MYOM1: variants seen among roughly 807,000 people sequenced by gnomAD.
MYOM1 encodes myomesin 1, also known as myomesin-1.
In MYOM1, 164 loss-of-function variants were observed where a neutral mutation model predicts 205.3. That is an observed-to-expected ratio of 0.80 (90% confidence interval 0.70 to 0.91). The LOEUF is 0.91. MYOM1 is among the 40% of genes least tolerant of loss of function. The pLI, the probability that MYOM1 is intolerant of heterozygous loss-of-function variation, is 0.00. For missense variants in MYOM1, 2,011 were observed against 2,127.3 expected (o/e 0.95, Z 1.08); for synonymous variants, 772 against 789.4 (o/e 0.98, Z 0.37).
intron 25 of MYOM1, among the ~76,000 whole-genome samples, chr18:3,096,982 C>T (rs982013914): frequency 6.6e-6 from 1 of 152,122 alleles, no homozygotes; most frequent in African/African-American, 2.4e-5. Flanking sequence ...GCTCTTTTCT[C>T]TGGCAGTTAA....
chr18:3,136,128 T>TC (rs397716489), intron 14 of MYOM1, among the ~76,000 whole-genome samples: 1 of 151,698 alleles, frequency 6.6e-6, no homozygotes, highest in African/African-American at 2.4e-5. Context: ...TCCTTCTGTC[T>TC]TGCCTGCCAC....
rs1022358106 is a variant in MYOM1 at position 3,179,892 on chromosome 18, G to A, written c.930-3758C>T. ...TGGTTCCTCTTTGCCTAAGAAAAGCGCTGTGATACCAACGGCTGTGACATG... is the reference window on the plus strand; with the variant it reads ...TGGTTCCTCTTTGCCTAAGAAAAGCACTGTGATACCAACGGCTGTGACATG... On this transcript the variant is annotated intron_variant, in intron 5 of 37. Transcript: ENST00000356443. The surrounding 1 kb of genome is among the most constrained non-coding windows in gnomAD (Gnocchi z 4.4). Among the ~76,000 whole-genome samples, 2 of 152,164 alleles carry A rather than the reference G, an allele frequency of 1.3e-5. No homozygotes were observed. The highest frequency in any genetic ancestry group is 4.8e-5 in the African/African-American group (2 of 41,436).
chr18:3,217,510 G>C (rs1457444778), intron 1 of MYOM1, among the ~76,000 whole-genome samples: 1 of 152,208 alleles, frequency 6.6e-6, no homozygotes, highest in South Asian at 2.1e-4. Context: ...TCCCAGAGGA[G>C]ACATTTTAAG....
intron 10 of MYOM1, among the ~76,000 whole-genome samples, chr18:3,155,741 T>C (rs189462407): frequency 9.2e-5 from 14 of 152,212 alleles, no homozygotes; most frequent in Non-Finnish European, 1.9e-4. Flanking sequence ...CTCATGACAT[T>C]GATTGTGCAA....
chr18:3,155,720 G>C (rs1243863099), intron 10 of MYOM1, among the ~76,000 whole-genome samples: 1 of 152,156 alleles, frequency 6.6e-6, no homozygotes, highest in Non-Finnish European at 1.5e-5. Flanking sequence ...AGTTGTGCCA[G>C]AAAGTCTGTT....
At position 3,076,088 on chromosome 18, in the gene MYOM1, C is replaced by T. The variant is rs145476319; in HGVS notation, c.4649-327G>A. ...GTCTGTTTCTTTTCTTTTTTTGAGA[C>T]GGAGTCTTGCTGTGCCCAGGCTGGA... On this transcript the variant is annotated intron_variant, in intron 34 of 37. Coordinates refer to ENST00000356443, the MANE Select transcript of MYOM1 (RefSeq NM_003803.4). Among the ~76,000 whole-genome samples, 31 of 152,194 alleles carry T rather than the reference C, an allele frequency of 2.0e-4. No individual in the cohort carries two copies. The East Asian group carries it at 4.6e-3, about 23-fold the overall frequency.
intron 10 of MYOM1, among the ~76,000 whole-genome samples, chr18:3,160,182 C>G (rs1479386236): frequency 6.7e-6 from 1 of 148,830 alleles, no homozygotes; most frequent in Non-Finnish European, 1.5e-5. Flanking sequence ...TCTTCTCTCT[C>G]TCTTTTTTTT....
rs767527655 is a variant in MYOM1, at chr18:3,152,021, C to T, written c.1644-128G>A. On this transcript the variant is annotated intron_variant, in intron 11 of 37. Coordinates refer to ENST00000356443, the MANE Select transcript of MYOM1 (RefSeq NM_003803.4). This position sits in a 1 kb window ranked among gnomAD's most constrained non-coding sequence, Gnocchi z 4.3. ...TAAAATATCCAAGTCAGGCGTGGCT[C>T]GCTACCTGGTGAACTGCATGCAGGC... 4.5e-5 allele frequency: 41 copies of T among 912,496 alleles called. No homozygotes were observed. Among genetic ancestry groups the T allele is most frequent in the Non-Finnish European group, 5.6e-5 (35 of 623,358 alleles). 56.5% of individuals were successfully genotyped at this position (912,496 alleles called of 1,614,324 possible).
chr18:3,175,526 T>TTGCTTC (rs1206572633), intron 6 of MYOM1, among the ~76,000 whole-genome samples: 1 of 152,186 alleles, frequency 6.6e-6, no homozygotes, highest in African/African-American at 2.4e-5. Context: ...CTGCTTCACA[T>TTGCTTC]ACACAGATTG....
chr18:3,138,231 C>T (rs573205235), intron 14 of MYOM1, among the ~76,000 whole-genome samples: 1 of 152,308 alleles, frequency 6.6e-6, no homozygotes, highest in East Asian at 1.9e-4. Context: ...CCTGATTTCA[C>T]TACAGAATTT....
Position 3,129,300 on chromosome 18 carries a change from G to C in MYOM1, c.2726C>G (p.Pro909Arg), listed in dbSNP as rs752679527. ...VSETVQEELT[P>R]PPQKAAPQGK... ...CTGAGGAGCCGCTTTCTGTGGTGGC[G>C]GGGTAAGCTCTTCCTGAACTGTTTC... Residue 909 changes from proline to arginine, a missense_variant, in exon 18 of 38, where the codon CCG becomes CGG. Physicochemically the swap from Pro to Arg is moderately radical, Grantham distance 103. Coordinates refer to ENST00000356443, the MANE Select transcript of MYOM1 (RefSeq NM_003803.4). 1.2e-6 allele frequency: 2 copies of C among 1,613,822 alleles called. No homozygotes were observed. The highest frequency in any genetic ancestry group is 1.7e-6 in the Non-Finnish European group (2 of 1,179,874).
In MYOM1 at chr18:3,132,118, G is replaced by GTA. The variant is rs1555621173; in HGVS notation, c.2385-624_2385-623dup. Among the ~76,000 whole-genome samples, 1,062 of 143,436 alleles carry GTA rather than the reference G, an allele frequency of 7.4e-3. 8 individuals are homozygous for GTA. The highest frequency in any genetic ancestry group is 0.021 in the African/African-American group (836 of 38,960). The allele number at this position is 143,436 out of a possible 152,430, so 94.1% of individuals were successfully genotyped here. On this transcript the variant is annotated intron_variant, in intron 16 of 37. Coordinates refer to ENST00000356443, the MANE Select transcript of MYOM1 (RefSeq NM_003803.4). ...TAAAATTATTATTATATATGTGTGT[G>GTA]TATATATATATATATATGAGTTATA...
At chr18:3,081,130 CAA>C (rs752878328) in intron 33 of MYOM1, among the ~76,000 whole-genome samples, 24 of 113,906 alleles carry the variant, frequency 2.1e-4, no homozygotes, top group African/African-American at 3.2e-4. Flanking sequence ...GACTCCGTCT[CAA>C]AAAAAAAAAA....
chr18:3,091,960 G>T (rs1300492850), intron 26 of MYOM1, among the ~76,000 whole-genome samples: 1 of 152,056 alleles, frequency 6.6e-6, no homozygotes, highest in East Asian at 1.9e-4. Flanking sequence ...TTGAAGTCCT[G>T]ACCTCAAGTG....
At chr18:3,241,256 C>T in the MYOM1 span, among the ~76,000 whole-genome samples, 1 of 152,176 alleles carries the variant, frequency 6.6e-6, no homozygotes, top group Non-Finnish European at 1.5e-5. Context: ...GGCAGCCCCT[C>T]CCATCACAGG....
intron 21 of MYOM1, among the ~76,000 whole-genome samples, chr18:3,114,544 ATTT>A (rs5822738): frequency 7.9e-5 from 7 of 88,344 alleles, no homozygotes; most frequent in East Asian, 7.0e-4. Context: ...TGGTCAGCTA[ATTT>A]TTTTTTTTTT....
chr18:3,198,836 C>T (rs1260682718), intron 2 of MYOM1, among the ~76,000 whole-genome samples: 1 of 151,390 alleles, frequency 6.6e-6, no homozygotes. Flanking sequence ...AACCCTAGCT[C>T]AAGGATTCTC....
Position 3,083,851 on chromosome 18 carries a change from GCCC to G in MYOM1, c.4419_4421del (p.Glu1473_Gly1474delinsAsp), listed in dbSNP as rs1351358712. On this transcript the variant is annotated inframe_deletion, in exon 33 of 38. Transcript: ENST00000356443. ...AAGTTACAAAAGAGTACAGTTGGATGCCCTCGGCTGTGCTCTGGATTTTCAGGT... is the reference window on the plus strand; with the variant it reads ...AAGTTACAAAAGAGTACAGTTGGATGTCGGCTGTGCTCTGGATTTTCAGGT... The G allele has an allele frequency of 1.9e-6, 3 of 1,583,964 alleles. No individual in the cohort carries two copies. The highest frequency in any genetic ancestry group is 2.6e-6 in the Non-Finnish European group (3 of 1,163,696).
the MYOM1 span, among the ~76,000 whole-genome samples, chr18:3,228,255 G>A: frequency 6.6e-6 from 1 of 152,176 alleles, no homozygotes; most frequent in Non-Finnish European, 1.5e-5. This position sits in a 1 kb window ranked among gnomAD's most constrained non-coding sequence, Gnocchi z 4.5. Flanking sequence ...TTCATCATGA[G>A]CATTCAGCAT....
Sources: gnomAD v4.1 joint callset for allele counts (sites outside exome capture counted in the v4.1 genomes callset) on GRCh38, gnomAD v4.1.1 for gene constraint, Gnocchi (gnomAD v3.1) non-coding constraint, MANE v1.5 for transcripts, NCBI Gene and HGNC (gene_info 2026-07-23, HGNC 2026-07-21) for gene names.